The following FGD5 variants were observed in gnomAD, a reference collection of about 807,000 sequenced individuals.
The protein encoded by FGD5 is FYVE, RhoGEF and PH domain containing 5.
A neutral mutation model predicts 133.4 loss-of-function variants in FGD5; 28 were observed. The ratio of observed to expected loss-of-function variants is 0.21; its 90% CI spans 0.16 to 0.29. The LOEUF (loss-of-function observed/expected upper bound fraction) is 0.29, where lower values mean the gene tolerates loss of function less well. FGD5 is among the 10% of genes least tolerant of loss of function. The probability of loss-of-function intolerance (pLI) is 1.00; values close to 1 mark genes in which losing one functional copy is unlikely to be tolerated. For missense variants in FGD5, 1,858 were observed against 1,895.2 expected (o/e 0.98, Z 0.36); for synonymous variants, 810 against 776.5 (o/e 1.04, Z -0.72).
chr3:14,891,221 C>T (rs541929023), intron 4 of FGD5, among the ~76,000 whole-genome samples: 10 of 152,216 alleles, frequency 6.6e-5, no homozygotes, highest in African/African-American at 1.4e-4. Flanking sequence ...TGCCCCAGGT[C>T]GGCAGGGAAA....
intron 1 of FGD5, among the ~76,000 whole-genome samples, chr3:14,829,336 G>A (rs1484571237): frequency 2.0e-5 from 3 of 152,134 alleles, no homozygotes; most frequent in African/African-American, 7.2e-5. Flanking sequence ...GAACGCCGTC[G>A]TGTGGGTGGT....
chr3:14,924,830 G>A (rs775514409), intron 17 of FGD5, among the ~76,000 whole-genome samples: 4 of 152,068 alleles, frequency 2.6e-5, no homozygotes, highest in Admixed American at 6.6e-5. Flanking sequence ...GGCCGGGCGC[G>A]GTGGCTCACG....
At chr3:14,926,008 GCT>G (rs1381472978) in intron 17 of FGD5, 60 bp from the exon 18 acceptor site, 3 of 1,598,836 alleles carry the variant, frequency 1.9e-6, no homozygotes, top group Non-Finnish European at 2.6e-6. Flanking sequence ...TTTGAATTGT[GCT>G]CTGTTTGAAC....
Position 14,919,408 on chromosome 3 carries a change from C to T in FGD5, c.3569+575C>T, listed in dbSNP as rs142426745. ...CCGAGGCGGATGGATCACAAGGTCA[C>T]AAGATCGAGGCCATCCTGGCTAACA... On this transcript the variant is annotated intron_variant, in intron 13 of 19. Coordinates refer to ENST00000285046, the MANE Select transcript of FGD5 (RefSeq NM_152536.4). Among the ~76,000 whole-genome samples, 376 of 152,220 alleles carry T rather than the reference C, an allele frequency of 2.5e-3. 3 individuals are homozygous for T. The highest frequency in any genetic ancestry group is 7.9e-4 in the Non-Finnish European group (54 of 68,020).
At chr3:14,923,857 A>AGGAG in intron 16 of FGD5, 151 bp from the exon 17 acceptor site, 1 of 977,452 alleles carries the variant, frequency 1.0e-6, no homozygotes, top group Non-Finnish European at 1.5e-6. Flanking sequence ...CTGTTCCTGC[A>AGGAG]GGAGGGAGGG....
At chr3:14,857,094 A>G (rs2037296542) in intron 1 of FGD5, among the ~76,000 whole-genome samples, 1 of 152,110 alleles carries the variant, frequency 6.6e-6, no homozygotes, top group Admixed American at 6.5e-5. Flanking sequence ...AGGGATGTTG[A>G]ATATTATCAA....
upstream of FGD5, among the ~76,000 whole-genome samples, chr3:14,817,243 G>A (rs777794679): frequency 1.1e-4 from 17 of 151,842 alleles, no homozygotes; most frequent in Non-Finnish European, 1.9e-4. Context: ...TCACCCAGGC[G>A]GGAGTTCAGT....
At chr3:14,914,814 G>T (rs145426232) in intron 11 of FGD5, among the ~76,000 whole-genome samples, 1 of 152,230 alleles carries the variant, frequency 6.6e-6, no homozygotes, top group East Asian at 1.9e-4. Flanking sequence ...GATGATCATG[G>T]TGCCTGTGCG....
intron 1 of FGD5, among the ~76,000 whole-genome samples, chr3:14,851,243 G>A (rs1284772540): frequency 2.0e-5 from 3 of 152,160 alleles, no homozygotes; most frequent in Non-Finnish European, 2.9e-5. Flanking sequence ...ATTTACAGAT[G>A]TCATCTCATC....
chr3:14,900,248 T>G (rs553227540), intron 7 of FGD5, among the ~76,000 whole-genome samples, 155 bp from the exon 8 acceptor site: 3 of 152,170 alleles, frequency 2.0e-5, no homozygotes, highest in Admixed American at 6.5e-5. Context: ...GGGGGCCTGG[T>G]TTCATGCTAA....
At chr3:14,844,053 C>T (rs971141955) in intron 1 of FGD5, among the ~76,000 whole-genome samples, 10 of 150,018 alleles carry the variant, frequency 6.7e-5, no homozygotes, top group Non-Finnish European at 1.0e-4. Context: ...GTTGGAAGGA[C>T]GGGATTCCTA....
At chr3:14,901,733 G>A (rs1034136446) in intron 9 of FGD5, among the ~76,000 whole-genome samples, 2 of 152,224 alleles carry the variant, frequency 1.3e-5, no homozygotes, top group Non-Finnish European at 2.9e-5. Context: ...TGCCGAGGAG[G>A]TGCTATACTT....
chr3:14,912,744 T>A (rs2038474183), intron 11 of FGD5, among the ~76,000 whole-genome samples: 1 of 152,184 alleles, frequency 6.6e-6, no homozygotes, highest in Admixed American at 6.5e-5. Context: ...GTCTAAATTT[T>A]AGAAATTCTT....
chr3:14,866,571 T>G (rs2037497409), intron 2 of FGD5, among the ~76,000 whole-genome samples: 2 of 152,190 alleles, frequency 1.3e-5, no homozygotes, highest in African/African-American at 4.8e-5. Flanking sequence ...CTGACCACTC[T>G]GCTCGTAGGA....
chr3:14,847,626 C>G (rs1457769471), intron 1 of FGD5, among the ~76,000 whole-genome samples: 1 of 152,220 alleles, frequency 6.6e-6, no homozygotes, highest in Non-Finnish European at 1.5e-5. Flanking sequence ...TGTACTGTTA[C>G]TATCCCTGCT....
At chr3:14,898,489 G>T (rs906813807) in intron 6 of FGD5, among the ~76,000 whole-genome samples, 1 of 152,194 alleles carries the variant, frequency 6.6e-6, no homozygotes, top group South Asian at 2.1e-4. Flanking sequence ...TAAGAGCAGG[G>T]CAGGGACTAG....
chr3:14,826,542 T>C (rs1323191278), intron 1 of FGD5, among the ~76,000 whole-genome samples: 1 of 152,234 alleles, frequency 6.6e-6, no homozygotes, highest in African/African-American at 2.4e-5. Context: ...TCAGTGTCCT[T>C]ATCTGTAAAA....
rs1384975035 is a variant in FGD5 at position 14,922,258 on chromosome 3, C to T, written c.3670-153C>T. 3 of 1,184,888 alleles carry T rather than the reference C, an allele frequency of 2.5e-6. No individual in the cohort carries two copies. The highest frequency in any genetic ancestry group is 2.2e-5 in the Admixed American group (1 of 45,902). The allele number at this position is 1,184,888 out of a possible 1,614,324, so 73.4% of individuals were successfully genotyped here. A position where few individuals can be genotyped will look rare whatever the true frequency, so the allele number is the denominator to read the frequency against. ...CTGTTTCCCAACCAAGGGTGAGCAT[C>T]CTGGAGGGTGCAGGAGAGGCCTTTC... is the stretch of plus-strand genomic sequence containing the variant. On this transcript the variant is annotated intron_variant, in intron 14 of 19. Coordinates refer to ENST00000285046, the MANE Select transcript of FGD5 (RefSeq NM_152536.4). This position sits in a 1 kb window ranked among gnomAD's most constrained non-coding sequence, Gnocchi z 4.1.
In FGD5 at chr3:14,922,950, G is replaced by A. The variant is rs1575261946; in HGVS notation, c.3808-96G>A. On this transcript the variant is annotated intron_variant, in intron 15 of 19. Coordinates refer to ENST00000285046, the MANE Select transcript of FGD5 (RefSeq NM_152536.4). This position sits in a 1 kb window ranked among gnomAD's most constrained non-coding sequence, Gnocchi z 4.1. ...CAGAACCTGGGGCTCCCTAGGGGCA[G>A]TTGTGGGTGGATTAGCAGAGGGAGC... 6 of 1,560,046 alleles carry A rather than the reference G, an allele frequency of 3.8e-6. No homozygotes were observed. The Admixed American group carries it at 1.0e-4, about 26-fold the overall frequency.
Sources: gnomAD v4.1 joint callset for allele counts (sites outside exome capture counted in the v4.1 genomes callset) on GRCh38, gnomAD v4.1.1 for gene constraint, Gnocchi (gnomAD v3.1) non-coding constraint, MANE v1.5 for transcripts, NCBI Gene and HGNC (gene_info 2026-07-23, HGNC 2026-07-21) for gene names.